FER1L6: variants seen among roughly 807,000 people sequenced by gnomAD.
FER1L6 encodes the protein fer-1 like family member 6.
In FER1L6, 177 loss-of-function variants were observed where a neutral mutation model predicts 219.2. That is an observed-to-expected ratio of 0.81 (90% CI 0.71 to 0.91). FER1L6 has a LOEUF of 0.91. Among genes scored for constraint, FER1L6 ranks in the 40% least tolerant of loss-of-function variants. The probability of loss-of-function intolerance (pLI) is 0.00; values close to 1 mark genes in which losing one functional copy is unlikely to be tolerated. For missense variants in FER1L6, 2,153 were observed against 2,259.9 expected (o/e 0.95, Z 0.96); for synonymous variants, 768 against 824.3 (o/e 0.93, Z 1.17).
At chr8:123,982,347 T>C (rs1208247709) in intron 11 of FER1L6, among the ~76,000 whole-genome samples, 1 of 152,166 alleles carries the variant, frequency 6.6e-6, no homozygotes, top group Non-Finnish European at 1.5e-5. Context: ...TCGAAATATC[T>C]TTAAGATATT....
chr8:124,066,495 A>G lies in FER1L6; in HGVS notation c.3623A>G (p.Glu1208Gly). ...RKRTIADESA[E>G]NVIDWWSKYY... ...AGGACCATAGCAGATGAATCTGCTGAAAACGTGATTGACTGGTGGTCTAAG... is the reference window on the plus strand; with the variant it reads ...AGGACCATAGCAGATGAATCTGCTGGAAACGTGATTGACTGGTGGTCTAAG... Residue 1208 changes from glutamate to glycine, a missense_variant, in exon 27 of 41, where the codon GAA (glutamate) becomes GGA (glycine). Physicochemically the swap from Glu to Gly is moderately conservative, Grantham distance 98 (BLOSUM62 -2). Coordinates refer to ENST00000522917, the MANE Select transcript of FER1L6 (RefSeq NM_001039112.2). 1 of 1,614,120 alleles carries G rather than the reference A, an allele frequency of 6.2e-7. No individual in the cohort carries two copies. Among genetic ancestry groups the G allele is most frequent in the Non-Finnish European group, 8.5e-7 (1 of 1,179,952 alleles).
In FER1L6 at chr8:123,980,696, A is replaced by T; in HGVS notation, c.1295A>T (p.Lys432Ile). ...LKLPSKDKDS[K>I]SSKGKDKADK... ...TTGCCTTCCAAGGACAAAGACTCCA[A>T]ATCTTCCAAAGGTAAAGACAAGGCT... Residue 432 changes from lysine (K) to isoleucine (I), a missense_variant, in exon 11 of 41, where the codon AAA becomes ATA. Physicochemically the swap from Lys to Ile is moderately radical, Grantham distance 102. Coordinates refer to ENST00000522917, the MANE Select transcript of FER1L6 (RefSeq NM_001039112.2). 1 of 1,614,152 alleles carries T rather than the reference A, an allele frequency of 6.2e-7. No homozygotes were observed. Among genetic ancestry groups the T allele is most frequent in the Non-Finnish European group, 8.5e-7 (1 of 1,180,004 alleles).
intron 37 of FER1L6, among the ~76,000 whole-genome samples, chr8:124,098,832 C>T (rs535995291): frequency 1.3e-5 from 2 of 152,288 alleles, no homozygotes; most frequent in South Asian, 4.1e-4. Flanking sequence ...CTCTCTGTCT[C>T]CTTCCCTCCC....
intron 33 of FER1L6, among the ~76,000 whole-genome samples, chr8:124,089,022 C>T (rs2130936504): frequency 6.6e-6 from 1 of 152,272 alleles, no homozygotes; most frequent in African/African-American, 2.4e-5. Context: ...ATGTCATGTG[C>T]ACCCCAAGTC....
At chr8:123,976,384 C>T (rs903383322) in intron 9 of FER1L6, among the ~76,000 whole-genome samples, 1 of 151,992 alleles carries the variant, frequency 6.6e-6, no homozygotes, top group Non-Finnish European at 1.5e-5. Context: ...GTGGTGCACC[C>T]CTGTAATCCC....
chr8:124,063,004 C>T (rs1233334506), intron 25 of FER1L6, among the ~76,000 whole-genome samples: 1 of 152,170 alleles, frequency 6.6e-6, no homozygotes, highest in Non-Finnish European at 1.5e-5. Flanking sequence ...TTTTTTGCTA[C>T]CCTGTGGACA....
At chr8:124,045,514 G>C (rs969746528) in intron 20 of FER1L6, among the ~76,000 whole-genome samples, 2 of 152,226 alleles carry the variant, frequency 1.3e-5, no homozygotes, top group African/African-American at 4.8e-5. Flanking sequence ...CAAAGAGGGT[G>C]TTAAACATGT....
intron 1 of FER1L6, among the ~76,000 whole-genome samples, chr8:123,945,922 C>T (rs1027988914): frequency 6.6e-6 from 1 of 152,166 alleles, no homozygotes; most frequent in Non-Finnish European, 1.5e-5. Context: ...AATAATTAGG[C>T]TATCACTTTT....
intron 33 of FER1L6, among the ~76,000 whole-genome samples, chr8:124,084,344 A>G (rs538805359): frequency 2.0e-5 from 3 of 152,204 alleles, no homozygotes; most frequent in East Asian, 3.9e-4. Flanking sequence ...TTCAGATCTT[A>G]GAGGAAAGGC....
At chr8:123,954,081 C>A (rs1181736780) in intron 1 of FER1L6, among the ~76,000 whole-genome samples, 1 of 152,218 alleles carries the variant, frequency 6.6e-6, no homozygotes, top group African/African-American at 2.4e-5. Context: ...GCTACATTAC[C>A]TCATTTTATT....
intron 1 of FER1L6, among the ~76,000 whole-genome samples, chr8:123,874,440 T>C (rs1177506696): frequency 1.3e-5 from 2 of 152,220 alleles, no homozygotes; most frequent in Admixed American, 6.5e-5. Flanking sequence ...GAATCATGCA[T>C]GTGCACTACT....
At chr8:123,931,111 T>C (rs1813745910) in intron 1 of FER1L6, among the ~76,000 whole-genome samples, 1 of 152,224 alleles carries the variant, frequency 6.6e-6, no homozygotes, top group Non-Finnish European at 1.5e-5. Flanking sequence ...CCTACACCCT[T>C]TGAAGCTCTG....
chr8:123,865,356 G>A lies in FER1L6; in HGVS notation c.-8+13171G>A, dbSNP rs1376604733. 2.3e-4 allele frequency among the ~76,000 whole-genome samples: 35 copies of A among 149,860 alleles called. No individual in the cohort carries two copies. In the South Asian group the frequency reaches 3.4e-3, roughly 14 times the overall value. On this transcript the variant is annotated intron_variant, in intron 1 of 40. Transcript: ENST00000522917. ...TGCCCGTTCTCAGATCTCCAGCTGCGTGCTGGGAGAACCACTGCTCTCTTC... is the reference window on the plus strand; with the variant it reads ...TGCCCGTTCTCAGATCTCCAGCTGCATGCTGGGAGAACCACTGCTCTCTTC...
chr8:124,084,553 G>T (rs1821706546), intron 33 of FER1L6, among the ~76,000 whole-genome samples: 1 of 152,100 alleles, frequency 6.6e-6, no homozygotes, highest in African/African-American at 2.4e-5. Context: ...TGTTGATAAT[G>T]ATGTATCACA....
In FER1L6 at chr8:123,936,819, G is replaced by A. The variant is rs112823978; in HGVS notation, c.-7-19173G>A. Reference sequence around the variant, plus strand: ...ATATTTATTAGATACCTAGATCAGAGATCAGATGCAATCTATTCTCTCACT... The same window carrying A: ...ATATTTATTAGATACCTAGATCAGAAATCAGATGCAATCTATTCTCTCACT... On this transcript the variant is annotated intron_variant, in intron 1 of 40. Coordinates refer to ENST00000522917, the MANE Select transcript of FER1L6 (RefSeq NM_001039112.2). Among the ~76,000 whole-genome samples the A allele has an allele frequency of 8.3e-3, 1,268 of 152,250 alleles. 13 individuals carry two copies. The highest frequency in any genetic ancestry group is 0.029 in the African/African-American group (1,216 of 41,548).
chr8:124,043,488 A>C (rs1332400026), intron 20 of FER1L6, among the ~76,000 whole-genome samples: 1 of 152,240 alleles, frequency 6.6e-6, no homozygotes, highest in Non-Finnish European at 1.5e-5. Context: ...TCTTTAAGAA[A>C]GCCCTTAAGA....
intron 1 of FER1L6, among the ~76,000 whole-genome samples, chr8:123,909,793 AACTAGGGGATGATGTAG>A (rs1813020042): frequency 1.3e-5 from 2 of 151,290 alleles, no homozygotes; most frequent in South Asian, 2.1e-4. Context: ...TGTCCTTGTC[AACTAGGGGATGATGTAG>A]CAATCAAATG....
At chr8:124,003,099 T>C in intron 12 of FER1L6, 68 bp from the exon 13 acceptor site, 1 of 1,403,508 alleles carries the variant, frequency 7.1e-7, no homozygotes, top group Admixed American at 1.8e-5. Context: ...GTTTGGATCC[T>C]TTATGCCAAG....
intron 17 of FER1L6, among the ~76,000 whole-genome samples, chr8:124,023,207 C>T (rs1393704846): frequency 1.3e-5 from 2 of 152,146 alleles, no homozygotes; most frequent in Non-Finnish European, 2.9e-5. Flanking sequence ...GAGCCACTGC[C>T]GCCCAGCTGT....
Sources: gnomAD v4.1 joint callset for allele counts (sites outside exome capture counted in the v4.1 genomes callset) on GRCh38, gnomAD v4.1.1 for gene constraint, MANE v1.5 for transcripts, NCBI Gene and HGNC (gene_info 2026-07-23, HGNC 2026-07-21) for gene names.